Variants in HPSE2 observed in about 807,000 individuals in gnomAD.
HPSE2 encodes inactive heparanase-2.
Under a neutral mutation model 60.5 loss-of-function variants are expected in HPSE2, and 38 were observed. The observed-to-expected ratio is 0.63, with a 90% CI of 0.48 to 0.82. The LOEUF (loss-of-function observed/expected upper bound fraction) is 0.82, where lower values mean the gene tolerates loss of function less well. HPSE2 is among the 40% of genes least tolerant of loss of function. The pLI is 0.00. For missense variants in HPSE2, 713 were observed against 740.4 expected, an observed-to-expected ratio of 0.96 and a Z score of 0.43; for synonymous variants, 295 against 293.2, an observed-to-expected ratio of 1.01 and a Z score of -0.06.
intron 1 of HPSE2, 133 bp downstream of exon 1, chr10:99,235,380 A>C (rs1401750880): frequency 1.2e-6 from 1 of 854,826 alleles, no homozygotes; most frequent in Non-Finnish European, 1.9e-6. Flanking sequence ...CAGGAGAAGG[A>C]AAACCTCTTT....
chr10:98,683,395 C>A, intron 6 of HPSE2, among the ~76,000 whole-genome samples: 2 of 142,942 alleles, frequency 1.4e-5, no homozygotes, highest in South Asian at 2.3e-4. Context: ...GCAAAGAAAG[C>A]AACTGAGTGG....
At chr10:98,902,293 A>G (rs1953688798) in intron 3 of HPSE2, among the ~76,000 whole-genome samples, 1 of 152,190 alleles carries the variant, frequency 6.6e-6, no homozygotes, top group Non-Finnish European at 1.5e-5. Flanking sequence ...TTTAACTTGT[A>G]ATCTTGGCTA....
rs376670539 is a variant in HPSE2 at position 98,881,982 on chromosome 10, C to T, written c.611-137926G>A. ...GGCTCATGGTTGGCAGAGTTTACTT[C>T]CCCTCCTCTGGACTTTGGACTTAGC... On this transcript the variant is annotated intron_variant, in intron 3 of 11. Transcript: ENST00000370552. Among the ~76,000 whole-genome samples the T allele has an allele frequency of 1.8e-4, 28 of 152,208 alleles. No individual in the cohort carries two copies. The East Asian group carries it at 4.1e-3, about 22-fold the overall frequency.
intron 3 of HPSE2, among the ~76,000 whole-genome samples, chr10:98,861,064 C>A (rs571391435): frequency 6.6e-6 from 1 of 152,174 alleles, no homozygotes; most frequent in African/African-American, 2.4e-5. Flanking sequence ...TGATATTAAA[C>A]AAAACATTCT....
At chr10:98,792,236 G>A (rs1443734435) in intron 3 of HPSE2, among the ~76,000 whole-genome samples, 1 of 151,516 alleles carries the variant, frequency 6.6e-6, no homozygotes, top group Admixed American at 6.6e-5. Context: ...AATCTAATCT[G>A]TACACACTCA....
chr10:98,503,796 G>A (rs1266659474), intron 9 of HPSE2, among the ~76,000 whole-genome samples: 6 of 152,168 alleles, frequency 3.9e-5, no homozygotes, highest in African/African-American at 1.4e-4. Flanking sequence ...CTGATAATGT[G>A]GGAGCTAAGG....
Position 98,913,507 on chromosome 10 carries a change from C to A in HPSE2, c.611-169451G>T, listed in dbSNP as rs1323690411. The stretch of plus-strand genomic sequence containing the variant: ...CAGTTACTGCACAATGGAGGTGAAG[C>A]AGGGCCCAATAATAGTTGAAAAAAG... On this transcript the variant is annotated intron_variant, in intron 3 of 11. Transcript: ENST00000370552. Among the ~76,000 whole-genome samples, 10 of 152,152 alleles carry A rather than the reference C, an allele frequency of 6.6e-5. No homozygotes were observed. In the East Asian group the frequency reaches 1.9e-3, roughly 29 times the overall value.
At position 99,232,470 on chromosome 10, in the gene HPSE2, G is replaced by T; in HGVS notation, c.326C>A (p.Ser109Ter). 6.4e-7 allele frequency: 1 copy of T among 1,556,936 alleles called. No individual in the cohort carries two copies. The highest frequency in any genetic ancestry group is 2.4e-5 in the East Asian group (1 of 41,528). The change falls in exon 2 of 12, where the codon TCG (serine) becomes TAG (stop). Residue 109 changes from serine (S) to a stop codon, truncating the protein, a stop_gained. Transcript: ENST00000370552. LOFTEE classifies it high-confidence loss of function. ...KRLVTLARGL[S>*]PAFLRFGGKR... ...GCCCCCGAAGCGCAGAAAGGCGGGCGAAAGTCCCCGGGCCAGGGTCACCAA... is the reference window on the plus strand; with the variant it reads ...GCCCCCGAAGCGCAGAAAGGCGGGCTAAAGTCCCCGGGCCAGGGTCACCAA...
intron 2 of HPSE2, among the ~76,000 whole-genome samples, chr10:99,165,446 T>C (rs1027076798): frequency 2.0e-5 from 3 of 152,184 alleles, no homozygotes; most frequent in Non-Finnish European, 4.4e-5. Context: ...TCCTGGTTGT[T>C]TCTTAAAATG....
chr10:98,974,674 T>C (rs921646168), intron 3 of HPSE2, among the ~76,000 whole-genome samples: 1 of 152,202 alleles, frequency 6.6e-6, no homozygotes, highest in Non-Finnish European at 1.5e-5. Context: ...AAAATTCTAC[T>C]TGTATGTTAG....
chr10:98,541,283 T>C lies in HPSE2; in HGVS notation c.1321-51087A>G, dbSNP rs56092578. Reference sequence around the variant, plus strand: ...ATTTCAAATGGAAGAATAATATTTATTAAAACATCGCAATTGCCTTAACAA... The same window carrying C: ...ATTTCAAATGGAAGAATAATATTTACTAAAACATCGCAATTGCCTTAACAA... On this transcript the variant is annotated intron_variant, in intron 9 of 11. Transcript: ENST00000370552. Among the ~76,000 whole-genome samples the C allele has an allele frequency of 9.9e-3, 1,512 of 152,300 alleles. 14 individuals carry two copies. Among genetic ancestry groups the C allele is most frequent in the Non-Finnish European group, 0.015 (1,049 of 68,036 alleles).
intron 3 of HPSE2, among the ~76,000 whole-genome samples, chr10:98,782,912 AT>A (rs1039514719): frequency 0.04 from 1,639 of 41,082 alleles, 96 homozygotes; most frequent in African/African-American, 0.12. Context: ...CTGTTTGTTT[AT>A]TTTTTTTTTT....
the HPSE2 span, among the ~76,000 whole-genome samples, chr10:99,294,915 C>A: frequency 1.3e-5 from 2 of 152,248 alleles, no homozygotes; most frequent in East Asian, 3.9e-4. Flanking sequence ...GAGATGGCGC[C>A]ACTGCACTCC....
chr10:98,677,560 T>C (rs1048972386), intron 6 of HPSE2, among the ~76,000 whole-genome samples: 3 of 152,182 alleles, frequency 2.0e-5, no homozygotes, highest in African/African-American at 7.2e-5. Flanking sequence ...GTCTTCATGA[T>C]AGTTTTGTGA....
chr10:99,059,582 CT>C (rs1252362849), intron 3 of HPSE2, among the ~76,000 whole-genome samples: 1 of 151,970 alleles, frequency 6.6e-6, no homozygotes, highest in Non-Finnish European at 1.5e-5. Context: ...TTTCTCTCTC[CT>C]TTTTTAAATA....
the HPSE2 span, among the ~76,000 whole-genome samples, chr10:99,300,892 C>T: frequency 1.3e-5 from 2 of 152,124 alleles, no homozygotes; most frequent in African/African-American, 4.8e-5. Context: ...GCCCTAGTAA[C>T]AAAGTTCCCA....
rs116864295 is a variant in HPSE2 at position 99,039,094 on chromosome 10, T to A, written c.610+105144A>T. ...TAGTTTCCACTGCTTTATAACTTTA[T>A]ACTCTGTGCTCCACTCATTTAAAAT... On this transcript the variant is annotated intron_variant, in intron 3 of 11. Coordinates refer to ENST00000370552, the MANE Select transcript of HPSE2 (RefSeq NM_021828.5). Among the ~76,000 whole-genome samples the A allele has an allele frequency of 6.9e-3, 1,044 of 152,292 alleles. 10 individuals are homozygous for A. Among genetic ancestry groups the A allele is most frequent in the Non-Finnish European group, 9.4e-3 (638 of 68,000 alleles).
At chr10:99,101,128 A>G (rs1843960727) in intron 3 of HPSE2, among the ~76,000 whole-genome samples, 1 of 152,240 alleles carries the variant, frequency 6.6e-6, no homozygotes, top group Non-Finnish European at 1.5e-5. Flanking sequence ...GATAAAATTC[A>G]TACATTACAA....
Position 98,744,951 on chromosome 10 carries a change from C to T in HPSE2, c.611-895G>A, listed in dbSNP as rs181785521. ...GGCGTGGTGGCTCACGCCTGTAATT[C>T]CAGCACTTTGGGAGGCCGAGGCGGG... On this transcript the variant is annotated intron_variant, in intron 3 of 11. Coordinates refer to ENST00000370552, the MANE Select transcript of HPSE2 (RefSeq NM_021828.5). 6.6e-3 allele frequency among the ~76,000 whole-genome samples: 998 copies of T among 152,348 alleles called. 6 individuals are homozygous for T. The highest frequency in any genetic ancestry group is 0.026 in the South Asian group (125 of 4,822).
Sources: gnomAD v4.1 joint callset for allele counts (sites outside exome capture counted in the v4.1 genomes callset) on GRCh38, gnomAD v4.1.1 for gene constraint, MANE v1.5 for transcripts, NCBI Gene and HGNC (gene_info 2026-07-23, HGNC 2026-07-21) for gene names.